SLC12A5: variants seen among roughly 807,000 people sequenced by gnomAD.
The protein encoded by SLC12A5 is solute carrier family 12 member 5.
SLC12A5 carries 18 observed loss-of-function variants against 124.0 expected under a neutral mutation model. The ratio of observed to expected loss-of-function variants is 0.15; its 90% CI spans 0.10 to 0.22. The LOEUF (loss-of-function observed/expected upper bound fraction) is 0.22, where lower values mean the gene tolerates loss of function less well. Among genes scored for constraint, SLC12A5 ranks in the 10% least tolerant of loss-of-function variants. The pLI, the probability that SLC12A5 is intolerant of heterozygous loss-of-function variation, is 1.00. For synonymous variants in SLC12A5, 589 were observed against 568.0 expected (o/e 1.04, Z -0.53); for missense variants, 867 against 1,478.7 (o/e 0.59, Z 6.78).
At chr20:46,033,383 G>T (rs981324645) in intron 1 of SLC12A5, among the ~76,000 whole-genome samples, 1 of 152,150 alleles carries the variant, frequency 6.6e-6, no homozygotes, top group African/African-American at 2.4e-5. Flanking sequence ...TTGAGGAAGG[G>T]TCATGGCTGA....
At position 46,056,286 on chromosome 20, in the gene SLC12A5, G is replaced by A; in HGVS notation, c.2910+14G>A. ...CCAGAGGAGGAGGTGTGCAGCTTGG[G>A]TGGTTTGGCCCCAACCAGTGGGAGC... is the stretch of plus-strand genomic sequence containing the variant. On this transcript the variant is annotated intron_variant, in intron 22 of 25. Coordinates refer to ENST00000243964, the MANE Select transcript of SLC12A5 (RefSeq NM_020708.5). The surrounding 1 kb of genome is among the most constrained non-coding windows in gnomAD (Gnocchi z 4.3). The A allele has an allele frequency of 6.2e-7, 1 of 1,614,072 alleles. No individual in the cohort carries two copies. Among genetic ancestry groups the A allele is most frequent in the Non-Finnish European group, 8.5e-7 (1 of 1,179,948 alleles).
exon 1 of SLC12A5, chr20:46,021,873 G>C: frequency 6.5e-7 from 1 of 1,529,586 alleles, no homozygotes; most frequent in Non-Finnish European, 8.7e-7. Context: ...ACCTCCCGGG[G>C]GAAGACGTCA....
upstream of SLC12A5, among the ~76,000 whole-genome samples, chr20:46,028,192 A>AG (rs1409459869): frequency 2.0e-5 from 3 of 152,160 alleles, no homozygotes; most frequent in African/African-American, 7.2e-5. Context: ...TGGAAGCCTC[A>AG]GAAAGCAATC....
intron 1 of SLC12A5, among the ~76,000 whole-genome samples, chr20:46,034,407 T>TGCA (rs1427010915): frequency 1.3e-5 from 2 of 152,216 alleles, no homozygotes; most frequent in African/African-American, 4.8e-5. Flanking sequence ...TTGGGTTGCT[T>TGCA]TCCTGAGAAC....
chr20:46,021,992 A>AG (rs929548023), intron 1 of SLC12A5: 13 of 1,232,790 alleles, frequency 1.1e-5, no homozygotes, highest in Admixed American at 6.8e-5. Flanking sequence ...GGGGGCGGGG[A>AG]GGGGTCCCAG....
Position 46,053,472 on chromosome 20 carries a change from T to G in SLC12A5, c.2548-106T>G. 6.8e-7 allele frequency: 1 copy of G among 1,473,140 alleles called. No individual in the cohort carries two copies. The highest frequency in any genetic ancestry group is 1.2e-5 in the South Asian group (1 of 83,268). 91.3% of individuals were successfully genotyped at this position (1,473,140 alleles called of 1,614,324 possible). On this transcript the variant is annotated intron_variant, in intron 19 of 25. Transcript: ENST00000243964. The surrounding 1 kb of genome is among the most constrained non-coding windows in gnomAD (Gnocchi z 4.7). ...AGGATTTGGGGTCTGCATGTATGTG[T>G]GAGGAGTGGGTGGGAAGAGGGGAAG...
intron 1 of SLC12A5, 30 bp downstream of exon 1, chr20:46,029,426 G>C: frequency 6.6e-7 from 1 of 1,515,492 alleles, no homozygotes; most frequent in Non-Finnish European, 9.0e-7. Flanking sequence ...CGGCGGGGGA[G>C]GGGGCAGCGA....
rs563311495 is a variant in SLC12A5, at chr20:46,054,104, A to G, written c.2679+395A>G. 1.1e-4 allele frequency among the ~76,000 whole-genome samples: 16 copies of G among 152,306 alleles called. 1 individual carries two copies. The South Asian group carries it at 1.2e-3, about 12-fold the overall frequency. ...TGATTTTGTTGTGTGAACATCATAG[A>G]GTGTATTTATGCACACCTAGCTGGT... On this transcript the variant is annotated intron_variant, in intron 20 of 25. Transcript: ENST00000243964.
chr20:46,022,962 G>GGAGGAGGAGGAGGAGGAGGAGGAGGAA (rs1568852703), exon 2 of SLC12A5: 2 of 398,208 alleles, frequency 5.0e-6, no homozygotes, highest in Non-Finnish European at 8.6e-6. Flanking sequence ...AGGAGGAGGA[G>GGAGGAGGAGGAGGAGGAGGAGGAGGAA]GAGGAGGAGG....
Position 46,060,095 on chromosome 20 carries a change from C to G in SLC12A5, c.*2490C>G, listed in dbSNP as rs998564707. The G allele has an allele frequency of 6.5e-6, 1 of 153,612 alleles. No individual in the cohort carries two copies. Among genetic ancestry groups the G allele is most frequent in the Admixed American group, 6.5e-5 (1 of 15,288 alleles). 9.5% of individuals were successfully genotyped at this position (153,612 alleles called of 1,614,324 possible). A position where few individuals can be genotyped will look rare whatever the true frequency, so the allele number is the denominator to read the frequency against. ...ATGCTTTATGGCTTTTACTGTGTTA[C>G]TTTTTTAGACTCCCGTCTGCACAAA... On this transcript the variant is annotated 3_prime_UTR_variant, in exon 26 of 26. Coordinates refer to ENST00000243964, the MANE Select transcript of SLC12A5 (RefSeq NM_020708.5).
chr20:46,053,271 G>C lies in SLC12A5; in HGVS notation c.2547+145G>C. ...TCCTTCCTCCCCTGTAAACTCCTGG[G>C]AAAGGGATCTGCTGACCTACTTCAT... On this transcript the variant is annotated intron_variant, in intron 19 of 25. Transcript: ENST00000243964. The surrounding 1 kb of genome is among the most constrained non-coding windows in gnomAD (Gnocchi z 4.7). 1.1e-6 allele frequency: 1 copy of C among 912,648 alleles called. No homozygotes were observed. The highest frequency in any genetic ancestry group is 1.6e-6 in the Non-Finnish European group (1 of 617,458). The allele number at this position is 912,648 out of a possible 1,614,324, so 56.5% of individuals were successfully genotyped here. A position where few individuals can be genotyped will look rare whatever the true frequency, so the allele number is the denominator to read the frequency against.
chr20:46,041,291 T>C, intron 7 of SLC12A5, 38 bp from the exon 8 acceptor site: 1 of 1,596,276 alleles, frequency 6.3e-7, no homozygotes, highest in Non-Finnish European at 8.6e-7. Context: ...GGCAAGGTTA[T>C]GTGGCTCCCC....
chr20:46,024,566 T>A (rs142077928), upstream of SLC12A5, among the ~76,000 whole-genome samples: 1 of 152,236 alleles, frequency 6.6e-6, no homozygotes, highest in African/African-American at 2.4e-5. Flanking sequence ...GATAGCAGCA[T>A]GTCTAAGACT....
At chr20:46,046,942 G>A (rs181612323) in intron 14 of SLC12A5, among the ~76,000 whole-genome samples, 448 of 152,292 alleles carry the variant, frequency 2.9e-3, no homozygotes, top group Non-Finnish European at 5.4e-3. Context: ...CCTCACAATA[G>A]GCCCTCGGGG....
At position 46,046,000 on chromosome 20, in the gene SLC12A5, C is replaced by T. The variant is rs778214369; in HGVS notation, c.1688+4C>T. The T allele has an allele frequency of 4.3e-6, 7 of 1,612,156 alleles. No homozygotes were observed. Among genetic ancestry groups the T allele is most frequent in the Non-Finnish European group, 5.9e-6 (7 of 1,178,252 alleles). ...AGGTGGCCCCCATCCTCTCTATGTG[C>T]GTGCCTGACTTCTTGCCCTCCCCCC... is the stretch of plus-strand genomic sequence containing the variant. On this transcript the variant is annotated splice_donor_region_variant and intron_variant, in intron 13 of 25. Coordinates refer to ENST00000243964, the MANE Select transcript of SLC12A5 (RefSeq NM_020708.5). The surrounding 1 kb of genome is among the most constrained non-coding windows in gnomAD (Gnocchi z 4.9).
At position 46,045,149 on chromosome 20, in the gene SLC12A5, G is replaced by A. The variant is rs1331325326; in HGVS notation, c.1569+9G>A. Reference sequence around the variant, plus strand: ...TTGTGCCCTTCCTGCAGGTCAGTGTGGGAGAAGAACAGCCCACCCTCAGTA... The same window carrying A: ...TTGTGCCCTTCCTGCAGGTCAGTGTAGGAGAAGAACAGCCCACCCTCAGTA... On this transcript the variant is annotated intron_variant, in intron 12 of 25. Coordinates refer to ENST00000243964, the MANE Select transcript of SLC12A5 (RefSeq NM_020708.5). The surrounding 1 kb of genome is among the most constrained non-coding windows in gnomAD (Gnocchi z 4.9). The A allele has an allele frequency of 1.3e-6, 2 of 1,559,930 alleles. No homozygotes were observed. Among genetic ancestry groups the A allele is most frequent in the Admixed American group, 3.6e-5 (2 of 56,044 alleles).
chr20:46,055,072 C>A, intron 21 of SLC12A5, 49 bp downstream of exon 21: 1 of 1,434,748 alleles, frequency 7.0e-7, no homozygotes, highest in Non-Finnish European at 9.8e-7. Context: ...GCTGCCAGTT[C>A]TGGGTGGCAG....
chr20:46,055,066 C>T, intron 21 of SLC12A5, 43 bp downstream of exon 21: 1 of 1,484,108 alleles, frequency 6.7e-7, no homozygotes, highest in East Asian at 2.3e-5. Flanking sequence ...CAAACTGCTG[C>T]CAGTTCTGGG....
rs1484627418 is a variant in SLC12A5 at position 46,040,839 on chromosome 20, T to G, written c.854+225T>G. On this transcript the variant is annotated intron_variant, in intron 7 of 25. Transcript: ENST00000243964. ...ACAATTTACCTTGTAAGAGTCAACTTCTTGCTGGTAGGGTGGACTTAGGAA... is the reference window on the plus strand; with the variant it reads ...ACAATTTACCTTGTAAGAGTCAACTGCTTGCTGGTAGGGTGGACTTAGGAA... 232 of 631,506 alleles carry G rather than the reference T, an allele frequency of 3.7e-4. 1 individual carries two copies. The highest frequency in any genetic ancestry group is 2.1e-5 in the Non-Finnish European group (8 of 379,206). The allele number at this position is 631,506 out of a possible 1,614,324, so 39.1% of individuals were successfully genotyped here.
Sources: gnomAD v4.1 joint callset for allele counts (sites outside exome capture counted in the v4.1 genomes callset) on GRCh38, gnomAD v4.1.1 for gene constraint, Gnocchi (gnomAD v3.1) non-coding constraint, MANE v1.5 for transcripts, NCBI Gene and HGNC (gene_info 2026-07-23, HGNC 2026-07-21) for gene names.